The following ASIC5 variants were observed in gnomAD, a reference collection of about 807,000 sequenced individuals.
ASIC5 encodes acid sensing ion channel subunit family member 5.
ASIC5 carries 52 observed loss-of-function variants against 51.2 expected under a neutral mutation model. The ratio of observed to expected loss-of-function variants is 1.02; its 90% CI spans 0.81 to 1.28. The LOEUF (loss-of-function observed/expected upper bound fraction) is 1.28, where lower values mean the gene tolerates loss of function less well. ASIC5 is among the 50% of genes most tolerant of loss of function. The pLI is 0.00. For missense variants in ASIC5, 635 were observed against 595.0 expected (o/e 1.07, Z -0.70); for synonymous variants, 231 against 200.7 (o/e 1.15, Z -1.28).
intron 2 of ASIC5, chr4:155,855,159 G>T (rs1242000177): frequency 6.6e-6 from 1 of 151,948 alleles, no homozygotes; most frequent in African/African-American, 2.4e-5. Flanking sequence ...GGTTCTAATT[G>T]TTACAGCCAC....
At chr4:155,857,942 C>T (rs1323983594) in intron 2 of ASIC5, among the ~76,000 whole-genome samples, 2 of 151,954 alleles carry the variant, frequency 1.3e-5, no homozygotes, top group Non-Finnish European at 2.9e-5. Flanking sequence ...TTGCATCAAA[C>T]AAATTTGAAA....
In ASIC5 at chr4:155,829,781, G is replaced by C. The variant is rs56853586; in HGVS notation, c.*75C>G. 47,385 of 913,660 alleles carry C rather than the reference G, an allele frequency of 0.052. 1,806 individuals carry two copies. The highest frequency in any genetic ancestry group is 0.15 in the South Asian group (6,821 of 45,052). The allele number at this position is 913,660 out of a possible 1,614,324, so 56.6% of individuals were successfully genotyped here. On this transcript the variant is annotated 3_prime_UTR_variant, in exon 10 of 10. Transcript: ENST00000537611. Reference sequence around the variant, plus strand: ...ATCGAACTCTCAAAACTATAGAAAAGTGACGTAACAATGAATTAGTCAAGA... The same window carrying C: ...ATCGAACTCTCAAAACTATAGAAAACTGACGTAACAATGAATTAGTCAAGA...
chr4:155,860,375 C>T (rs1264453554), intron 2 of ASIC5, among the ~76,000 whole-genome samples: 3 of 151,746 alleles, frequency 2.0e-5, no homozygotes, highest in Non-Finnish European at 2.9e-5. Context: ...AAGTTAAATA[C>T]ACAGTTTTTC....
intron 5 of ASIC5, among the ~76,000 whole-genome samples, 192 bp downstream of exon 5, chr4:155,843,489 G>A (rs184885995): frequency 6.6e-6 from 1 of 152,160 alleles, no homozygotes; most frequent in Admixed American, 6.5e-5. Context: ...AGGCTTCCCA[G>A]CTTTCACTTA....
intron 4 of ASIC5, among the ~76,000 whole-genome samples, chr4:155,845,314 G>T (rs986940115): frequency 1.3e-5 from 2 of 150,604 alleles, no homozygotes; most frequent in African/African-American, 4.9e-5. Flanking sequence ...ATGTGTGCAT[G>T]TGTGCATGTT....
Position 155,854,328 on chromosome 4 carries a change from T to C in ASIC5, c.348-14A>G, listed in dbSNP as rs756266679. On this transcript the variant is annotated splice_polypyrimidine_tract_variant and intron_variant, in intron 2 of 9. Transcript: ENST00000537611. ...TCTGTTTGGAACCTATTAGCAGGAA[T>C]GAAGGCAATAGTTAGAATAATGAAA... The C allele has an allele frequency of 4.7e-6, 7 of 1,489,170 alleles. No homozygotes were observed. The African/African-American group carries it at 9.7e-5, about 21-fold the overall frequency. The allele number at this position is 1,489,170 out of a possible 1,614,324, so 92.2% of individuals were successfully genotyped here.
intron 2 of ASIC5, among the ~76,000 whole-genome samples, chr4:155,860,362 T>C (rs1741670843): frequency 6.6e-6 from 1 of 152,026 alleles, no homozygotes; most frequent in South Asian, 2.1e-4. Flanking sequence ...TGTAGACATA[T>C]GCAAGTTAAA....
chr4:155,852,357 T>C, intron 3 of ASIC5, 41 bp from the exon 4 acceptor site: 2 of 1,563,478 alleles, frequency 1.3e-6, no homozygotes, highest in Middle Eastern at 3.4e-4. Context: ...ATCAATTTGA[T>C]ATTTTTGTCA....
In ASIC5 at chr4:155,835,175, T is replaced by C. The variant is rs148248078; in HGVS notation, c.1235+1514A>G. On this transcript the variant is annotated intron_variant, in intron 8 of 9. Transcript: ENST00000537611. ...ATTGAGCTGATTAACCCTCCAGCCA[T>C]CTGTAGACAGCAAAGCTGAAAGAGC... is the stretch of plus-strand genomic sequence containing the variant. Among the ~76,000 whole-genome samples, 1,232 of 152,210 alleles carry C rather than the reference T, an allele frequency of 8.1e-3. 10 individuals carry two copies. The highest frequency in any genetic ancestry group is 0.014 in the Non-Finnish European group (975 of 68,012).
intron 2 of ASIC5, among the ~76,000 whole-genome samples, chr4:155,861,044 A>T (rs535167411): frequency 6.6e-6 from 1 of 151,874 alleles, no homozygotes; most frequent in East Asian, 1.9e-4. Flanking sequence ...TTTAATATTT[A>T]CATATTTGTG....
At chr4:155,831,053 G>A (rs1579280525) in intron 9 of ASIC5, among the ~76,000 whole-genome samples, 1 of 152,278 alleles carries the variant, frequency 6.6e-6, no homozygotes, top group Non-Finnish European at 1.5e-5. Flanking sequence ...CCTCTAAGAT[G>A]CGGTGAGATC....
intron 8 of ASIC5, among the ~76,000 whole-genome samples, chr4:155,835,826 G>A (rs1277418217): frequency 6.6e-6 from 1 of 151,974 alleles, no homozygotes; most frequent in Non-Finnish European, 1.5e-5. Flanking sequence ...GTTTACATGG[G>A]AATTTTTTTT....
Position 155,854,319 on chromosome 4 carries a change from TAGC to T in ASIC5, c.348-8_348-6del, listed in dbSNP as rs776641551. The T allele has an allele frequency of 3.9e-6, 6 of 1,556,274 alleles. No individual in the cohort carries two copies. The East Asian group carries it at 1.3e-4, about 35-fold the overall frequency. ...GCTACAGCATCTGTTTGGAACCTAT[TAGC>T]AGGAATGAAGGCAATAGTTAGAATA... On this transcript the variant is annotated splice_region_variant and splice_polypyrimidine_tract_variant and intron_variant, in intron 2 of 9. Coordinates refer to ENST00000537611, the MANE Select transcript of ASIC5 (RefSeq NM_017419.3).
intron 2 of ASIC5, among the ~76,000 whole-genome samples, chr4:155,859,686 A>G (rs1378706802): frequency 1.3e-5 from 2 of 152,076 alleles, no homozygotes; most frequent in African/African-American, 4.8e-5. Flanking sequence ...TGGGCTTCAA[A>G]CTAGAATGTG....
At chr4:155,834,810 G>A (rs1455625686) in intron 8 of ASIC5, among the ~76,000 whole-genome samples, 1 of 152,066 alleles carries the variant, frequency 6.6e-6, no homozygotes, top group Non-Finnish European at 1.5e-5. Context: ...GAAGAGACGA[G>A]AAGACCAACA....
rs1266203649 is a variant in ASIC5, at chr4:155,847,490, G to GC, written c.712-3661dup. ...TAATCCCAGCATTTTGGGAGGCTGA[G>GC]CAGGTGGATCACCTGAGGTCAGGAG... On this transcript the variant is annotated intron_variant, in intron 4 of 9. Coordinates refer to ENST00000537611, the MANE Select transcript of ASIC5 (RefSeq NM_017419.3). Among the ~76,000 whole-genome samples, 9 of 152,148 alleles carry GC rather than the reference G, an allele frequency of 5.9e-5. No individual in the cohort carries two copies. The East Asian group carries it at 1.7e-3, about 30-fold the overall frequency.
At chr4:155,855,597 T>C (rs1405233865) in intron 2 of ASIC5, among the ~76,000 whole-genome samples, 6 of 151,710 alleles carry the variant, frequency 4.0e-5, no homozygotes, top group African/African-American at 1.4e-4. Context: ...CATATTCCAC[T>C]CTTGGTAAGT....
At chr4:155,842,435 T>G in intron 5 of ASIC5, 81 bp from the exon 6 acceptor site, 1 of 1,339,080 alleles carries the variant, frequency 7.5e-7, no homozygotes, top group East Asian at 2.4e-5. Flanking sequence ...TGGTACACAT[T>G]TTTATTTTCC....
chr4:155,845,151 C>T (rs1297420702), intron 4 of ASIC5, among the ~76,000 whole-genome samples: 1 of 152,004 alleles, frequency 6.6e-6, no homozygotes, highest in African/African-American at 2.4e-5. Flanking sequence ...ATTTACATAA[C>T]AAAGCCACCT....
Sources: gnomAD v4.1 joint callset for allele counts (sites outside exome capture counted in the v4.1 genomes callset) on GRCh38, gnomAD v4.1.1 for gene constraint, MANE v1.5 for transcripts, NCBI Gene and HGNC (gene_info 2026-07-23, HGNC 2026-07-21) for gene names.